STAC: variants seen among roughly 807,000 people sequenced by gnomAD.
STAC encodes SH3 and cysteine rich domain.
STAC carries 43 observed loss-of-function variants against 48.8 expected under a neutral mutation model. That is an observed-to-expected ratio of 0.88 (90% confidence interval 0.69 to 1.14). The LOEUF is 1.14. Ranked by LOEUF, STAC falls within the 50% of genes most tolerant of loss-of-function variation. The probability of loss-of-function intolerance (pLI) is 0.00; values close to 1 mark genes in which losing one functional copy is unlikely to be tolerated. For synonymous variants in STAC, 193 were observed against 179.5 expected (o/e 1.07, Z -0.60); for missense variants, 497 against 504.0 (o/e 0.99, Z 0.13).
chr3:36,407,518 C>T (rs1056083604), intron 1 of STAC, among the ~76,000 whole-genome samples: 15 of 152,202 alleles, frequency 9.9e-5, no homozygotes, highest in African/African-American at 3.6e-4. Context: ...TGCTTTGGGC[C>T]AGCCCCAGAA....
intron 1 of STAC, among the ~76,000 whole-genome samples, chr3:36,438,379 G>A (rs776699888): frequency 2.4e-4 from 36 of 152,320 alleles, no homozygotes; most frequent in Admixed American, 6.5e-4. Context: ...TAAACAAAAT[G>A]GAGCTGGGCC....
intron 2 of STAC, among the ~76,000 whole-genome samples, chr3:36,454,059 C>T (rs1009727296): frequency 6.6e-6 from 1 of 152,118 alleles, no homozygotes; most frequent in African/African-American, 2.4e-5. Flanking sequence ...AAAACAGACC[C>T]TCTGGGCTCT....
intron 2 of STAC, among the ~76,000 whole-genome samples, chr3:36,468,062 T>C (rs1029798141): frequency 5.3e-5 from 8 of 152,100 alleles, no homozygotes; most frequent in African/African-American, 1.9e-4. Flanking sequence ...TGTCATTAAG[T>C]TCAAATAATT....
intron 1 of STAC, among the ~76,000 whole-genome samples, chr3:36,408,603 G>A (rs924852139): frequency 6.6e-6 from 1 of 152,088 alleles, no homozygotes; most frequent in Non-Finnish European, 1.5e-5. Flanking sequence ...TGAGGCTCCT[G>A]GAAAAGGTTT....
chr3:36,394,769 C>T (rs2125619856), intron 1 of STAC, among the ~76,000 whole-genome samples: 1 of 151,954 alleles, frequency 6.6e-6, no homozygotes, highest in Admixed American at 6.6e-5. Context: ...CGGTGGTGCA[C>T]ACCTGTAGTC....
chr3:36,546,379 C>T lies in STAC; in HGVS notation c.*90C>T. On this transcript the variant is annotated 3_prime_UTR_variant, in exon 11 of 11. Coordinates refer to ENST00000273183, the MANE Select transcript of STAC (RefSeq NM_003149.3). The stretch of plus-strand genomic sequence containing the variant: ...CTGCGTCAACCCAAAGGAGCTGCCG[C>T]ACTGACCCAGCCCCCCAGGAAACAG... 1 of 1,109,590 alleles carries T rather than the reference C, an allele frequency of 9.0e-7. No homozygotes were observed. The allele number at this position is 1,109,590 out of a possible 1,614,324, so 68.7% of individuals were successfully genotyped here. A position where few individuals can be genotyped will look rare whatever the true frequency, so the allele number is the denominator to read the frequency against.
intron 2 of STAC, among the ~76,000 whole-genome samples, chr3:36,452,214 T>G (rs910393992): frequency 6.6e-6 from 1 of 152,222 alleles, no homozygotes. Context: ...ACCCCACACA[T>G]CATTTCAGCA....
intron 10 of STAC, 130 bp from the exon 11 acceptor site, chr3:36,546,061 C>G: frequency 1.4e-6 from 1 of 709,202 alleles, no homozygotes; most frequent in Middle Eastern, 2.4e-4. Flanking sequence ...GGTTTCCCAC[C>G]CTAAAACTGC....
chr3:36,538,214 A>G (rs1699243281), intron 10 of STAC, among the ~76,000 whole-genome samples: 1 of 152,162 alleles, frequency 6.6e-6, no homozygotes, highest in South Asian at 2.1e-4. Context: ...GTTTTAAGAA[A>G]GTTTTATTAG....
At chr3:36,444,259 A>G (rs753959113) in intron 2 of STAC, among the ~76,000 whole-genome samples, 3 of 152,204 alleles carry the variant, frequency 2.0e-5, no homozygotes, top group Non-Finnish European at 2.9e-5. Flanking sequence ...AAATGGCCAC[A>G]TTTAGGAACA....
intron 5 of STAC, among the ~76,000 whole-genome samples, chr3:36,487,532 A>C: frequency 6.6e-6 from 1 of 152,214 alleles, no homozygotes; most frequent in South Asian, 2.1e-4. Flanking sequence ...ACAGTTTACT[A>C]GCACTGTAGG....
At chr3:36,483,169 C>A in intron 3 of STAC, 77 bp downstream of exon 3, 2 of 1,127,706 alleles carry the variant, frequency 1.8e-6, no homozygotes, top group Non-Finnish European at 2.6e-6. Context: ...TCACCCCCTC[C>A]AAAATCCTTC....
intron 5 of STAC, among the ~76,000 whole-genome samples, chr3:36,486,870 A>G (rs1240907500): frequency 2.0e-5 from 3 of 152,218 alleles, no homozygotes; most frequent in Non-Finnish European, 4.4e-5. Flanking sequence ...CAGAATTTCT[A>G]TAAATGCTCC....
At chr3:36,451,141 T>A (rs933354572) in intron 2 of STAC, among the ~76,000 whole-genome samples, 1 of 152,202 alleles carries the variant, frequency 6.6e-6, no homozygotes, top group Non-Finnish European at 1.5e-5. Context: ...TGTGTGTGTG[T>A]ACTGTGTTTC....
At position 36,546,199 on chromosome 3, in the gene STAC, G is replaced by A. The variant is rs755635475; in HGVS notation, c.1119G>A (p.Val373=). Residue 373 remains valine, a synonymous_variant, in exon 11 of 11, where the codon GTG becomes GTA. Coordinates refer to ENST00000273183, the MANE Select transcript of STAC (RefSeq NM_003149.3). Reference sequence around the variant, plus strand: ...TCTTCCTTGGCATTCAGATCTGCGTGAGTTCTGAAGAAGAACAAGATGGTT... The same window carrying A: ...TCTTCCTTGGCATTCAGATCTGCGTAAGTTCTGAAGAAGAACAAGATGGTT... The part of the protein sequence containing the change: ...QITLKENQIC[V]SSEEEQDGFI... 2.5e-6 allele frequency: 4 copies of A among 1,613,488 alleles called. No homozygotes were observed. Among genetic ancestry groups the A allele is most frequent in the Non-Finnish European group, 3.4e-6 (4 of 1,179,510 alleles).
At chr3:36,398,397 G>A (rs1488058247) in intron 1 of STAC, among the ~76,000 whole-genome samples, 9 of 124,596 alleles carry the variant, frequency 7.2e-5, no homozygotes, top group Admixed American at 1.8e-4. Flanking sequence ...AGAAAGAGAG[G>A]TAAAGAGAAA....
chr3:36,383,239 T>C (rs1358063893), intron 1 of STAC, among the ~76,000 whole-genome samples: 1 of 152,238 alleles, frequency 6.6e-6, no homozygotes, highest in Admixed American at 6.5e-5. Flanking sequence ...GTAAGTCAGA[T>C]ACAACCTTAA....
chr3:36,437,802 T>A (rs1696190741), intron 1 of STAC, among the ~76,000 whole-genome samples: 1 of 148,742 alleles, frequency 6.7e-6, no homozygotes, highest in South Asian at 2.1e-4. Flanking sequence ...AAAATAAAAA[T>A]AAAAAAACTC....
At chr3:36,387,898 GA>G (rs1391133446) in intron 1 of STAC, among the ~76,000 whole-genome samples, 1 of 151,946 alleles carries the variant, frequency 6.6e-6, no homozygotes, top group African/African-American at 2.4e-5. Context: ...TTAATTTTTT[GA>G]GAAATTGCCA....
Sources: gnomAD v4.1 joint callset for allele counts (sites outside exome capture counted in the v4.1 genomes callset) on GRCh38, gnomAD v4.1.1 for gene constraint, MANE v1.5 for transcripts, NCBI Gene and HGNC (gene_info 2026-07-23, HGNC 2026-07-21) for gene names.